GLRA3: variants seen among roughly 807,000 people sequenced by gnomAD.
GLRA3 encodes glycine receptor alpha 3.
GLRA3 carries 44 observed loss-of-function variants against 60.4 expected under a neutral mutation model. That is an observed-to-expected ratio of 0.73 (90% CI 0.57 to 0.94). GLRA3 has a LOEUF of 0.94. GLRA3 is among the 40% of genes least tolerant of loss of function. The pLI, the probability that GLRA3 is intolerant of heterozygous loss-of-function variation, is 0.00. For synonymous variants in GLRA3, 223 were observed against 192.9 expected (o/e 1.16, Z -1.29); for missense variants, 508 against 564.6 (o/e 0.90, Z 1.02).
chr4:174,692,098 A>T (rs926245433), intron 5 of GLRA3, among the ~76,000 whole-genome samples: 1 of 148,760 alleles, frequency 6.7e-6, no homozygotes, highest in Non-Finnish European at 1.5e-5. Context: ...CTGAGAAGTG[A>T]GGAGACCCTC....
At chr4:174,669,342 A>G (rs1733815066) in intron 7 of GLRA3, among the ~76,000 whole-genome samples, 1 of 152,116 alleles carries the variant, frequency 6.6e-6, no homozygotes, top group Non-Finnish European at 1.5e-5. Flanking sequence ...TGAAGCTGAT[A>G]CTGAAAAGGC....
intron 5 of GLRA3, among the ~76,000 whole-genome samples, chr4:174,701,351 C>A (rs535773481): frequency 6.6e-6 from 1 of 152,294 alleles, no homozygotes; most frequent in East Asian, 1.9e-4. Flanking sequence ...TTTAAGCCCA[C>A]AGTTGAGACC....
intron 9 of GLRA3, among the ~76,000 whole-genome samples, chr4:174,649,197 C>T (rs1157623879): frequency 6.6e-6 from 1 of 152,070 alleles, no homozygotes; most frequent in Non-Finnish European, 1.5e-5. Flanking sequence ...TTGCAATTAC[C>T]TGATGCCAAA....
At chr4:174,648,429 A>T (rs1732909896) in intron 9 of GLRA3, among the ~76,000 whole-genome samples, 2 of 152,162 alleles carry the variant, frequency 1.3e-5, no homozygotes, top group South Asian at 4.1e-4. Flanking sequence ...ATGCCATTGC[A>T]CTCCAGCCTG....
At chr4:174,667,000 G>T (rs1579413150) in intron 7 of GLRA3, among the ~76,000 whole-genome samples, 2 of 151,822 alleles carry the variant, frequency 1.3e-5, no homozygotes, top group African/African-American at 4.8e-5. Context: ...AAGAAACAAA[G>T]GTATATTTTG....
At chr4:174,716,533 T>C (rs1483445876) in intron 4 of GLRA3, among the ~76,000 whole-genome samples, 1 of 152,186 alleles carries the variant, frequency 6.6e-6, no homozygotes, top group Non-Finnish European at 1.5e-5. Context: ...TGAAGTTCTT[T>C]TCTGAGAACT....
rs1732561245 is a variant in GLRA3 at position 174,638,815 on chromosome 4, C to A, written c.*4971G>T. ...ATTTAGCACTTGGGACAGTGCCAGG[C>A]ACACATAAGGTACTCAATGAATATT... is the stretch of plus-strand genomic sequence containing the variant. On this transcript the variant is annotated 3_prime_UTR_variant, in exon 10 of 10. Coordinates refer to ENST00000274093, the MANE Select transcript of GLRA3 (RefSeq NM_006529.4). The A allele has an allele frequency of 2.0e-5, 3 of 152,158 alleles. No homozygotes were observed. Among genetic ancestry groups the A allele is most frequent in the Non-Finnish European group, 4.4e-5 (3 of 68,032 alleles). The allele number at this position is 152,158 out of a possible 1,614,324, so 9.4% of individuals were successfully genotyped here. A position where few individuals can be genotyped will look rare whatever the true frequency, so the allele number is the denominator to read the frequency against.
At chr4:174,678,411 A>G (rs892917140) in intron 6 of GLRA3, among the ~76,000 whole-genome samples, 2 of 152,220 alleles carry the variant, frequency 1.3e-5, no homozygotes, top group Non-Finnish European at 2.9e-5. Flanking sequence ...TTCAAGAAGG[A>G]TGAGGTCAGA....
chr4:174,672,871 C>T lies in GLRA3; in HGVS notation c.927+4207G>A, dbSNP rs577356594. ...GGATAAACTTGAATCTAGAGATTCC[C>T]CCACCCTGCCAAGTTTCTATCTGTG... On this transcript the variant is annotated intron_variant, in intron 7 of 9. Transcript: ENST00000274093. 2.0e-5 allele frequency among the ~76,000 whole-genome samples: 3 copies of T among 151,964 alleles called. No homozygotes were observed. The East Asian group carries it at 5.8e-4, about 29-fold the overall frequency.
At chr4:174,822,904 T>C (rs1289785229) in intron 1 of GLRA3, among the ~76,000 whole-genome samples, 1 of 152,176 alleles carries the variant, frequency 6.6e-6, no homozygotes, top group Non-Finnish European at 1.5e-5. Context: ...GCATCTCTAG[T>C]AAGGAGATTC....
At position 174,802,498 on chromosome 4, in the gene GLRA3, CTTG is replaced by C. The variant is rs572418812; in HGVS notation, c.72-13558_72-13556del. On this transcript the variant is annotated intron_variant, in intron 1 of 9. Transcript: ENST00000274093. ...TCCTCTTCTTTACCCCTCCCTAATT[CTTG>C]TTTTTTTGTGCATAGTTACATTCCT... Among the ~76,000 whole-genome samples the C allele has an allele frequency of 4.5e-4, 68 of 152,152 alleles. No individual in the cohort carries two copies. In the South Asian group the frequency reaches 0.01, roughly 23 times the overall value.
intron 1 of GLRA3, among the ~76,000 whole-genome samples, chr4:174,821,366 A>C (rs2111397573): frequency 6.6e-6 from 1 of 152,286 alleles, no homozygotes; most frequent in South Asian, 2.1e-4. Context: ...ATTCAAAATA[A>C]ATAAATACTT....
At chr4:174,666,753 TATATATTATA>T (rs1453791878) in intron 7 of GLRA3, among the ~76,000 whole-genome samples, 6 of 77,244 alleles carry the variant, frequency 7.8e-5, no homozygotes, top group African/African-American at 3.3e-4. Flanking sequence ...TATATATATA[TATATATTATA>T]TATATATATA....
intron 7 of GLRA3, among the ~76,000 whole-genome samples, chr4:174,671,412 T>C (rs1733902990): frequency 6.6e-6 from 1 of 152,168 alleles, no homozygotes; most frequent in Admixed American, 6.6e-5. Flanking sequence ...TAAGACTGCG[T>C]ATTTGCTAAT....
intron 1 of GLRA3, among the ~76,000 whole-genome samples, chr4:174,800,726 T>C (rs973268122): frequency 1.3e-5 from 2 of 152,108 alleles, no homozygotes; most frequent in African/African-American, 4.8e-5. Flanking sequence ...ATATAGACAG[T>C]GCCTAGCTTA....
At chr4:174,646,319 A>G (rs1732811608) in intron 9 of GLRA3, among the ~76,000 whole-genome samples, 1 of 152,236 alleles carries the variant, frequency 6.6e-6, no homozygotes, top group Non-Finnish European at 1.5e-5. Flanking sequence ...CATATTAGTG[A>G]GCAACCGAAT....
intron 2 of GLRA3, among the ~76,000 whole-genome samples, chr4:174,778,584 A>G (rs1738708888): frequency 6.6e-5 from 10 of 152,122 alleles, no homozygotes; most frequent in Admixed American, 6.5e-4. Flanking sequence ...CTCACTGGGG[A>G]GTGCCAGACA....
intron 5 of GLRA3, among the ~76,000 whole-genome samples, chr4:174,686,503 G>A (rs79615864): frequency 0.011 from 1,702 of 152,242 alleles, 22 homozygotes; most frequent in Non-Finnish European, 0.017. Flanking sequence ...TAAACCAATG[G>A]CTCAGGGCAA....
chr4:174,756,677 C>CTG (rs1737713118), intron 3 of GLRA3, among the ~76,000 whole-genome samples: 1 of 148,842 alleles, frequency 6.7e-6, no homozygotes. Context: ...CAGAGTCTCG[C>CTG]TCTTTTGCCC....
Sources: allele counts gnomAD v4.1 joint callset (sites outside exome capture counted in the v4.1 genomes callset), GRCh38; gene constraint gnomAD v4.1.1; transcripts MANE v1.5; gene names NCBI Gene and HGNC (gene_info 2026-07-23, HGNC 2026-07-21).